Variants in COL4A3 observed in about 807,000 individuals in gnomAD.
COL4A3 encodes the protein collagen type IV alpha 3 chain.
A neutral mutation model predicts 217.4 loss-of-function variants in COL4A3; 135 were observed. That is an observed-to-expected ratio of 0.62 (90% CI 0.54 to 0.72). The LOEUF (loss-of-function observed/expected upper bound fraction) is 0.72, where lower values mean the gene tolerates loss of function less well. Among genes scored for constraint, COL4A3 ranks in the 30% least tolerant of loss-of-function variants. The pLI is 0.00. For missense variants in COL4A3, 1,868 were observed against 2,119.9 expected (o/e 0.88, Z 2.33); for synonymous variants, 690 against 736.3 (o/e 0.94, Z 1.02).
intron 23 of COL4A3, 129 bp from the exon 24 acceptor site, chr2:227,269,781 T>C (rs1014704025): frequency 1.3e-6 from 1 of 741,170 alleles, no homozygotes; most frequent in African/African-American, 1.7e-5. Flanking sequence ...ATTGCATTTA[T>C]GTTTTATGAT....
At chr2:227,279,974 C>T (rs2071850813) in intron 29 of COL4A3, 84 bp downstream of exon 29, 1 of 812,786 alleles carries the variant, frequency 1.2e-6, no homozygotes, top group South Asian at 1.6e-5. Context: ...TGGCAGAGCA[C>T]TCTAGATGTA....
intron 50 of COL4A3, among the ~76,000 whole-genome samples, chr2:227,310,256 GTTCT>G (rs1279603153): frequency 1.3e-5 from 2 of 152,080 alleles, no homozygotes; most frequent in African/African-American, 2.4e-5. Flanking sequence ...CACGCAGGTG[GTTCT>G]TTCTTTTTTC....
intron 1 of COL4A3, among the ~76,000 whole-genome samples, chr2:227,204,823 A>T (rs1314348307): frequency 6.6e-6 from 1 of 152,214 alleles, no homozygotes; most frequent in Non-Finnish European, 1.5e-5. Flanking sequence ...TGTAATGTCA[A>T]GTGTGTTTGT....
rs569224726 is a variant in COL4A3, at chr2:227,292,976, A to T, written c.3211-215A>T. 2.6e-5 allele frequency among the ~76,000 whole-genome samples: 4 copies of T among 152,270 alleles called. No individual in the cohort carries two copies. In the South Asian group the frequency reaches 8.3e-4, roughly 32 times the overall value. On this transcript the variant is annotated intron_variant, in intron 37 of 51. Transcript: ENST00000396578. Reference sequence around the variant, plus strand: ...CTGTTGCTGTCTTGAAATTCACTTTAAAAAGTTTTAAGGGAAACTGCATTT... The same window carrying T: ...CTGTTGCTGTCTTGAAATTCACTTTTAAAAGTTTTAAGGGAAACTGCATTT...
chr2:227,258,839 A>G (rs911780580), intron 18 of COL4A3, among the ~76,000 whole-genome samples: 1 of 152,172 alleles, frequency 6.6e-6, no homozygotes, highest in Non-Finnish European at 1.5e-5. Context: ...TGTGCCCAAC[A>G]CTTGGTAGGT....
In COL4A3 at chr2:227,266,556, T is replaced by C. The variant is rs368104783; in HGVS notation, c.1408+47T>C. 5 of 1,393,384 alleles carry C rather than the reference T, an allele frequency of 3.6e-6. No individual in the cohort carries two copies. The African/African-American group carries it at 5.7e-5, about 16-fold the overall frequency. 86.3% of individuals were successfully genotyped at this position (1,393,384 alleles called of 1,614,324 possible). A position where few individuals can be genotyped will look rare whatever the true frequency, so the allele number is the denominator to read the frequency against. On this transcript the variant is annotated intron_variant, in intron 22 of 51. Transcript: ENST00000396578. The stretch of plus-strand genomic sequence containing the variant: ...GTATTAGGATAAGCCTTTTTCATCG[T>C]CATTATTATCACTGATTTTTCCCCC...
intron 1 of COL4A3, among the ~76,000 whole-genome samples, chr2:227,204,908 TA>T (rs1296986870): frequency 3.9e-5 from 6 of 152,214 alleles, no homozygotes; most frequent in Non-Finnish European, 7.3e-5. Context: ...TGACTGGTCA[TA>T]TGCGTGGGCA....
chr2:227,222,741 G>A (rs561554801), intron 1 of COL4A3, among the ~76,000 whole-genome samples: 1 of 152,244 alleles, frequency 6.6e-6, no homozygotes, highest in African/African-American at 2.4e-5. Context: ...AGTGAGAAGT[G>A]GGCATGTCAG....
intron 1 of COL4A3, among the ~76,000 whole-genome samples, chr2:227,204,509 T>C (rs1355997829): frequency 6.6e-6 from 1 of 152,198 alleles, no homozygotes; most frequent in Non-Finnish European, 1.5e-5. Flanking sequence ...GACTCCACCA[T>C]ATACGAAGGG....
chr2:227,240,007 A>G, intron 2 of COL4A3, 136 bp from the exon 3 acceptor site: 1 of 863,332 alleles, frequency 1.2e-6, no homozygotes, highest in East Asian at 2.7e-5. Context: ...GCTAATTATG[A>G]TTTTTTTAAT....
At chr2:227,281,060 C>G in intron 31 of COL4A3, 54 bp downstream of exon 31, 2 of 1,077,464 alleles carry the variant, frequency 1.9e-6, no homozygotes, top group Non-Finnish European at 1.4e-6. Flanking sequence ...CATGAGACTC[C>G]TGCTCTGTGC....
At chr2:227,259,642 C>A in intron 18 of COL4A3, 151 bp from the exon 19 acceptor site, 1 of 628,548 alleles carries the variant, frequency 1.6e-6, no homozygotes, top group Non-Finnish European at 2.9e-6. Flanking sequence ...ATTTACATGA[C>A]TATCATATAC....
intron 43 of COL4A3, among the ~76,000 whole-genome samples, chr2:227,302,278 T>A (rs771319907): frequency 1.3e-5 from 2 of 152,184 alleles, no homozygotes; most frequent in Non-Finnish European, 2.9e-5. Context: ...ACCATCATGA[T>A]CAAGTGTAAT....
At chr2:227,249,228 A>ATTTTTTTTTTTTTT (rs1437063843) in intron 9 of COL4A3, among the ~76,000 whole-genome samples, 3 of 22,188 alleles carry the variant, frequency 1.4e-4, no homozygotes, top group African/African-American at 3.0e-4. Context: ...ATATATATAT[A>ATTTTTTTTTTTTTT]TATTTTTTTT....
intron 50 of COL4A3, 111 bp from the exon 51 acceptor site, chr2:227,310,665 C>T (rs970957451): frequency 2.2e-5 from 19 of 866,588 alleles, no homozygotes; most frequent in African/African-American, 1.7e-5. Context: ...ATGATCATTC[C>T]TCCCCTTTCT....
In COL4A3 at chr2:227,307,788, G is replaced by A; in HGVS notation, c.4331G>A (p.Arg1444Lys). ...GGATCACCTGCAACCTGGACAACGA[G>A]AGGCTTTGTCTTCACCCGACACAGT... ...DSGSPATWTTRGFVFTRHSQT... is the reference protein window; with the variant it reads ...DSGSPATWTTKGFVFTRHSQT... The change falls in exon 48 of 52, where the codon AGA (arginine) becomes AAA (lysine). Residue 1444 changes from arginine (R) to lysine (K), a missense_variant. By Grantham distance (26) the Arg-to-Lys change is conservative. This residue lies in a region of COL4A3 where 1,503 missense variants were observed against 1,786.1 expected (regional missense o/e 0.84). Transcript: ENST00000396578. 1.2e-6 allele frequency: 2 copies of A among 1,614,204 alleles called. No individual in the cohort carries two copies.
Position 227,272,967 on chromosome 2 carries a change from G to A in COL4A3, c.1777G>A (p.Gly593Arg). 2 of 1,614,108 alleles carry A rather than the reference G, an allele frequency of 1.2e-6. No individual in the cohort carries two copies. Among genetic ancestry groups the A allele is most frequent in the Non-Finnish European group, 1.7e-6 (2 of 1,180,010 alleles). ...GTCACAGGCTCTGAGTGGTGAGAAAGGGGACCAAGGTCCTCCAGGGGATCC... is the reference window on the plus strand; with the variant it reads ...GTCACAGGCTCTGAGTGGTGAGAAAAGGGACCAAGGTCCTCCAGGGGATCC... ...KGELALSGEK[G>R]DQGPPGDPGS... The change falls in exon 26 of 52, where the codon GGG becomes AGG. Residue 593 changes from glycine (G) to arginine (R), a missense_variant. Around this residue, in one of 2 missense-constraint regions of COL4A3, gnomAD observed 1,503 missense variants for 1,786.1 expected, o/e 0.84. Transcript: ENST00000396578.
At position 227,259,817 on chromosome 2, in the gene COL4A3, G is replaced by T. The variant is rs937387158; in HGVS notation, c.1054G>T (p.Glu352Ter). ...GPTEYYDTYQEKGDEGTPGPP... is the reference protein window; with the variant it reads ...GPTEYYDTYQ ...GACAGAATATTATGACACATACCAG[G>T]AAAAGGGAGATGAAGGCACTCCAGG... is the stretch of plus-strand genomic sequence containing the variant. The change falls in exon 19 of 52, where the codon GAA becomes TAA. Residue 352 changes from glutamate (E) to a stop codon, truncating the protein, a stop_gained. Coordinates refer to ENST00000396578, the MANE Select transcript of COL4A3 (RefSeq NM_000091.5). LOFTEE classifies it high-confidence loss of function. 8 of 1,613,484 alleles carry T rather than the reference G, an allele frequency of 5.0e-6. No individual in the cohort carries two copies. The highest frequency in any genetic ancestry group is 6.8e-6 in the Non-Finnish European group (8 of 1,179,410).
chr2:227,280,776 G>A (rs1006989073), intron 30 of COL4A3, 117 bp from the exon 31 acceptor site: 2 of 997,950 alleles, frequency 2.0e-6, no homozygotes, highest in African/African-American at 1.6e-5. Context: ...CATATTAATG[G>A]CAGTAAATAT....
Sources: gnomAD v4.1 joint callset for allele counts (sites outside exome capture counted in the v4.1 genomes callset) on GRCh38, gnomAD v4.1.1 for gene constraint, gnomAD v4.1.1 regional missense constraint, MANE v1.5 for transcripts, NCBI Gene and HGNC (gene_info 2026-07-23, HGNC 2026-07-21) for gene names.